Variants in SKAP1 observed in about 807,000 individuals in gnomAD.
The protein encoded by SKAP1 is src kinase-associated phosphoprotein 1.
Under a neutral mutation model 58.5 loss-of-function variants are expected in SKAP1, and 44 were observed. The observed-to-expected ratio is 0.75, with a 90% confidence interval of 0.59 to 0.97. SKAP1 has a LOEUF of 0.97. Ranked by LOEUF, SKAP1 falls within the 50% of genes least tolerant of loss-of-function variation. The pLI is 0.00. For synonymous variants in SKAP1, 127 were observed against 149.7 expected, an observed-to-expected ratio of 0.85 and a Z score of 1.11; for missense variants, 390 against 435.2, an observed-to-expected ratio of 0.90 and a Z score of 0.92.
intron 2 of SKAP1, among the ~76,000 whole-genome samples, chr17:48,391,312 G>A (rs2067342654): frequency 6.6e-6 from 1 of 151,982 alleles, no homozygotes; most frequent in Non-Finnish European, 1.5e-5. Flanking sequence ...AAATTATAAG[G>A]AGAGTTATAC....
At chr17:48,316,930 A>T (rs1484749730) in intron 4 of SKAP1, among the ~76,000 whole-genome samples, 1 of 152,110 alleles carries the variant, frequency 6.6e-6, no homozygotes, top group East Asian at 1.9e-4. Flanking sequence ...TATCTCCCCT[A>T]GTAGCCTTTG....
At chr17:48,279,566 T>C (rs771669191) in intron 4 of SKAP1, among the ~76,000 whole-genome samples, 7 of 152,210 alleles carry the variant, frequency 4.6e-5, no homozygotes, top group Non-Finnish European at 8.8e-5. Context: ...AAATGATACA[T>C]GTGGACCATT....
intron 4 of SKAP1, among the ~76,000 whole-genome samples, chr17:48,219,103 C>G (rs1186948805): frequency 6.6e-6 from 1 of 152,060 alleles, no homozygotes; most frequent in Non-Finnish European, 1.5e-5. Context: ...TCTTTGCTTC[C>G]AATTTTTTGA....
chr17:48,408,542 T>C (rs2067618956), intron 1 of SKAP1, among the ~76,000 whole-genome samples: 1 of 152,172 alleles, frequency 6.6e-6, no homozygotes, highest in Non-Finnish European at 1.5e-5. Context: ...ACAAAAGTCC[T>C]ATATAAAATA....
At chr17:48,345,500 T>C (rs1376428678) in intron 4 of SKAP1, among the ~76,000 whole-genome samples, 1 of 152,054 alleles carries the variant, frequency 6.6e-6, no homozygotes, top group Non-Finnish European at 1.5e-5. Context: ...TCTCAAATGA[T>C]CCACAGAAAA....
At chr17:48,310,381 A>C (rs1336899784) in intron 4 of SKAP1, among the ~76,000 whole-genome samples, 1 of 152,204 alleles carries the variant, frequency 6.6e-6, no homozygotes, top group Non-Finnish European at 1.5e-5. Flanking sequence ...TGTGAAGAAA[A>C]ACTCCACAGT....
chr17:48,272,470 C>A (rs188514647), intron 4 of SKAP1, among the ~76,000 whole-genome samples: 2 of 152,118 alleles, frequency 1.3e-5, no homozygotes, highest in Admixed American at 1.3e-4. Context: ...GGAATTGTTG[C>A]GATTGCCATT....
At chr17:48,252,635 C>T (rs1398930364) in intron 4 of SKAP1, among the ~76,000 whole-genome samples, 2 of 151,718 alleles carry the variant, frequency 1.3e-5, no homozygotes, top group Non-Finnish European at 2.9e-5. Context: ...GATAAGTTTA[C>T]ATTGGATTTA....
intron 4 of SKAP1, among the ~76,000 whole-genome samples, chr17:48,211,066 T>C (rs1049356438): frequency 6.6e-6 from 1 of 151,956 alleles, no homozygotes; most frequent in African/African-American, 2.4e-5. Context: ...TTTTTTTTCC[T>C]GAAAAAGAGT....
rs764656407 is a variant in SKAP1 at position 48,182,383 on chromosome 17, A to G, written c.631+11T>C. ...CAACTCAAGTATTATTTCTGTAACA[A>G]TGACACTTACCCTTTAACAAGAAAC... On this transcript the variant is annotated intron_variant, in intron 8 of 12. Coordinates refer to ENST00000336915, the MANE Select transcript of SKAP1 (RefSeq NM_003726.4). 17 of 1,583,826 alleles carry G rather than the reference A, an allele frequency of 1.1e-5. No homozygotes were observed. The South Asian group carries it at 1.1e-4, about 10-fold the overall frequency.
At chr17:48,439,907 C>A in the SKAP1 span, among the ~76,000 whole-genome samples, 1 of 152,174 alleles carries the variant, frequency 6.6e-6, no homozygotes, top group Non-Finnish European at 1.5e-5. Flanking sequence ...ATCCCAGCAC[C>A]TGCACCCTAT....
intron 1 of SKAP1, among the ~76,000 whole-genome samples, chr17:48,415,165 A>T (rs1422534057): frequency 1.3e-5 from 2 of 152,164 alleles, no homozygotes; most frequent in Non-Finnish European, 2.9e-5. Context: ...ACCAAATACC[A>T]ATCAAAGTGT....
At chr17:48,428,305 A>C (rs1037059182) in intron 1 of SKAP1, among the ~76,000 whole-genome samples, 1 of 152,238 alleles carries the variant, frequency 6.6e-6, no homozygotes, top group Non-Finnish European at 1.5e-5. Flanking sequence ...AAGATACAGC[A>C]AGCTTGATAC....
chr17:48,143,344 C>T (rs2063791772), intron 11 of SKAP1, among the ~76,000 whole-genome samples: 1 of 151,638 alleles, frequency 6.6e-6, no homozygotes, highest in Admixed American at 6.6e-5. Context: ...AGGTGCATGC[C>T]ACTGCCTAAT....
intron 4 of SKAP1, among the ~76,000 whole-genome samples, chr17:48,192,408 CT>C (rs931136067): frequency 6.6e-6 from 1 of 151,956 alleles, no homozygotes; most frequent in Admixed American, 6.6e-5. Context: ...TTCAAACCTC[CT>C]TTTTTTAATG....
At chr17:48,352,229 G>C (rs2066811910) in intron 3 of SKAP1, among the ~76,000 whole-genome samples, 1 of 152,054 alleles carries the variant, frequency 6.6e-6, no homozygotes, top group Admixed American at 6.6e-5. Flanking sequence ...ATATAAACCA[G>C]ATAATTGTAT....
Position 48,396,734 on chromosome 17 carries a change from A to G in SKAP1, c.98T>C (p.Val33Ala), listed in dbSNP as rs777440307. The G allele has an allele frequency of 3.7e-6, 6 of 1,613,504 alleles. No individual in the cohort carries two copies. Among genetic ancestry groups the G allele is most frequent in the South Asian group, 2.2e-5 (2 of 91,066 alleles). The change falls in exon 2 of 13, where the codon GTT becomes GCT. Residue 33 changes from valine to alanine, a missense_variant. Physicochemically the swap from Val to Ala is moderately conservative, Grantham distance 64 (BLOSUM62 0). Coordinates refer to ENST00000336915, the MANE Select transcript of SKAP1 (RefSeq NM_003726.4). ...EGLRNENLSA[V>A]ARDHRDHILR... is the part of the protein sequence containing the mutation. The stretch of plus-strand genomic sequence containing the variant: ...AATATGGTCTCTGTGATCCCTTGCA[A>G]CAGCGCTGAGGTTCTCATTCCGCAA...
intron 4 of SKAP1, among the ~76,000 whole-genome samples, chr17:48,259,747 C>G (rs946554716): frequency 6.6e-6 from 1 of 152,124 alleles, no homozygotes; most frequent in Admixed American, 6.6e-5. Context: ...CTAGCAACTT[C>G]ACAAAACCCA....
intron 1 of SKAP1, among the ~76,000 whole-genome samples, chr17:48,414,960 A>G (rs1192146402): frequency 6.6e-6 from 1 of 152,208 alleles, no homozygotes; most frequent in South Asian, 2.1e-4. Flanking sequence ...TCAAACTACT[A>G]AAAGATTAAG....
Sources: gnomAD v4.1 joint callset for allele counts (sites outside exome capture counted in the v4.1 genomes callset) on GRCh38, gnomAD v4.1.1 for gene constraint, MANE v1.5 for transcripts, NCBI Gene and HGNC (gene_info 2026-07-23, HGNC 2026-07-21) for gene names.